POTEC: variants seen among roughly 807,000 people sequenced by gnomAD.
The protein encoded by POTEC is POTE ankyrin domain family member C.
A neutral mutation model predicts 62.0 loss-of-function variants in POTEC; 35 were observed. The ratio of observed to expected loss-of-function variants is 0.56; its 90% CI spans 0.43 to 0.75. The LOEUF (loss-of-function observed/expected upper bound fraction) is 0.75. POTEC is among the 30% of genes least tolerant of loss of function. The probability of loss-of-function intolerance (pLI) is 0.00; values close to 1 mark genes in which losing one functional copy is unlikely to be tolerated. For missense variants in POTEC, 472 were observed against 655.9 expected (o/e 0.72, Z 3.06); for synonymous variants, 156 against 221.5 (o/e 0.70, Z 2.62).
chr18:14,530,166 G>T (rs1475215752), intron 6 of POTEC, among the ~76,000 whole-genome samples: 2 of 151,702 alleles, frequency 1.3e-5, no homozygotes, highest in Non-Finnish European at 2.9e-5. Flanking sequence ...TAGGTTGTGT[G>T]CTTCATATGA....
At chr18:14,532,557 A>G (rs1905560951) in intron 5 of POTEC, among the ~76,000 whole-genome samples, 1 of 152,186 alleles carries the variant, frequency 6.6e-6, no homozygotes, top group Non-Finnish European at 1.5e-5. Flanking sequence ...AACAAAAACA[A>G]TGGAAACAAC....
rs1910014280 is a variant in POTEC at position 14,511,834 on chromosome 18, T to G, written c.*64A>C. On this transcript the variant is annotated 3_prime_UTR_variant, in exon 11 of 11. Coordinates refer to ENST00000358970, the MANE Select transcript of POTEC (RefSeq NM_001137671.2). Reference sequence around the variant, plus strand: ...CCTTAGAAGTTTATCAGTCTTTTCTTTCACACTTTCAATTTCCTCCAAAAT... The same window carrying G: ...CCTTAGAAGTTTATCAGTCTTTTCTGTCACACTTTCAATTTCCTCCAAAAT... 3 of 1,360,678 alleles carry G rather than the reference T, an allele frequency of 2.2e-6. No homozygotes were observed. The East Asian group carries it at 6.9e-5, about 31-fold the overall frequency. The allele number at this position is 1,360,678 out of a possible 1,614,324, so 84.3% of individuals were successfully genotyped here.
rs557206936 is a variant in POTEC at position 14,507,484 on chromosome 18, T to A, written c.*4414A>T. On this transcript the variant is annotated 3_prime_UTR_variant, in exon 11 of 11. Coordinates refer to ENST00000358970, the MANE Select transcript of POTEC (RefSeq NM_001137671.2). Reference sequence around the variant, plus strand: ...CCTATGTATGGCACTGCATGTGAGATGGGTTTCTTGAAGACGGCATACTCC... The same window carrying A: ...CCTATGTATGGCACTGCATGTGAGAAGGGTTTCTTGAAGACGGCATACTCC... The A allele has an allele frequency of 1.8e-4, 28 of 151,996 alleles. No homozygotes were observed. The highest frequency in any genetic ancestry group is 1.4e-3 in the Admixed American group (22 of 15,260). The allele number at this position is 151,996 out of a possible 1,614,324, so 9.4% of individuals were successfully genotyped here. A position where few individuals can be genotyped will look rare whatever the true frequency, so the allele number is the denominator to read the frequency against.
rs1910334555 is a variant in POTEC, at chr18:14,522,389, T to C, written c.1274A>G (p.Asn425Ser). 3 of 1,561,010 alleles carry C rather than the reference T, an allele frequency of 1.9e-6. No individual in the cohort carries two copies. In the East Asian group the frequency reaches 6.8e-5, roughly 35 times the overall value. Reference protein sequence around the residue: ...VEEEIKKHGSNPVGLPENLTN... With the variant: ...VEEEIKKHGSSPVGLPENLTN... The stretch of plus-strand genomic sequence containing the variant: ...CAGGTTTTCTGGTAATCCCACAGGA[T>C]TACTTCCATGCTTCTTTATTTCTTC... The change falls in exon 9 of 11, where the codon AAT (asparagine) becomes AGT (serine). Residue 425 changes from asparagine to serine, a missense_variant. Physicochemically the swap from Asn to Ser is conservative, Grantham distance 46. Coordinates refer to ENST00000358970, the MANE Select transcript of POTEC (RefSeq NM_001137671.2).
At chr18:14,542,570 G>A (rs9807187) in intron 1 of POTEC, 56 bp downstream of exon 1, 288,840 of 1,609,702 alleles carry the variant, frequency 0.18, 30,273 homozygotes, top group East Asian at 0.48. Context: ...GCGCCAGGAG[G>A]GTATGTCCCC....
rs80194414 is a variant in POTEC at position 14,507,953 on chromosome 18, C to G, written c.*3945G>C. ...GAGGTCTGCTAAGTCTGATGGAATT[C>G]CCTTTGCAGGTGATGTTGCCTTTCT... On this transcript the variant is annotated 3_prime_UTR_variant, in exon 11 of 11. Transcript: ENST00000358970. 1 of 152,262 alleles carries G rather than the reference C, an allele frequency of 6.6e-6. No homozygotes were observed. Among genetic ancestry groups the G allele is most frequent in the African/African-American group, 2.4e-5 (1 of 41,562 alleles). The allele number at this position is 152,262 out of a possible 1,614,324, so 9.4% of individuals were successfully genotyped here.
Position 14,543,407 on chromosome 18 carries a change from A to T in POTEC, c.-261T>A. ...GCCAAGCCCCCCCTCCCAAGGAAAC[A>T]CCCAGCCCAGTCAAGGGAATGCCAA... On this transcript the variant is annotated 5_prime_UTR_variant, in exon 1 of 11. Transcript: ENST00000358970. 1.6e-6 allele frequency: 1 copy of T among 613,674 alleles called. No individual in the cohort carries two copies. Among genetic ancestry groups the T allele is most frequent in the Non-Finnish European group, 2.9e-6 (1 of 348,698 alleles). 38.0% of individuals were successfully genotyped at this position (613,674 alleles called of 1,614,324 possible).
rs537011103 is a variant in POTEC, at chr18:14,536,761, G to A, written c.810+1040C>T. Among the ~76,000 whole-genome samples the A allele has an allele frequency of 1.2e-4, 19 of 152,254 alleles. No individual in the cohort carries two copies. The South Asian group carries it at 3.9e-3, about 32-fold the overall frequency. On this transcript the variant is annotated intron_variant, in intron 3 of 10. Transcript: ENST00000358970. ...AGGATCTGGCCAAAAAGAGGAAAGA[G>A]TAGGAGAGAGACTCATTTGCTGAAA...
intron 1 of POTEC, among the ~76,000 whole-genome samples, chr18:14,538,990 C>T (rs1248735969): frequency 6.6e-6 from 1 of 152,078 alleles, no homozygotes; most frequent in Non-Finnish European, 1.5e-5. Context: ...AGATGACTAG[C>T]ATTTAGATAA....
intron 9 of POTEC, among the ~76,000 whole-genome samples, chr18:14,520,884 A>G (rs751190879): frequency 1.7e-4 from 26 of 152,158 alleles, no homozygotes; most frequent in Non-Finnish European, 2.5e-4. Flanking sequence ...CTGAGGTGGC[A>G]GGATTACTAG....
intron 1 of POTEC, among the ~76,000 whole-genome samples, chr18:14,541,706 T>C (rs1488967790): frequency 6.6e-6 from 1 of 152,074 alleles, no homozygotes; most frequent in African/African-American, 2.4e-5. Flanking sequence ...TTTTCTCCTT[T>C]TGTATCTTTA....
chr18:14,533,513 T>G (rs1905599546), intron 4 of POTEC, among the ~76,000 whole-genome samples: 1 of 152,048 alleles, frequency 6.6e-6, no homozygotes, highest in Non-Finnish European at 1.5e-5. Flanking sequence ...AAGATTTAAG[T>G]GAAGATTTTG....
intron 7 of POTEC, among the ~76,000 whole-genome samples, chr18:14,524,032 A>G (rs1006234462): frequency 5.6e-4 from 85 of 152,314 alleles, no homozygotes; most frequent in African/African-American, 2.0e-3. Context: ...AACACCAAAC[A>G]GAAAGAAATG....
At chr18:14,542,274 TA>T (rs1454388584) in intron 1 of POTEC, among the ~76,000 whole-genome samples, 1 of 152,216 alleles carries the variant, frequency 6.6e-6, no homozygotes, top group Non-Finnish European at 1.5e-5. Flanking sequence ...GTTGATATAT[TA>T]TGGGGCTTAG....
intron 6 of POTEC, among the ~76,000 whole-genome samples, chr18:14,526,260 A>G (rs1910434581): frequency 6.6e-6 from 1 of 152,094 alleles, no homozygotes; most frequent in African/African-American, 2.4e-5. Context: ...ATCTTTCCCC[A>G]GATAAACAGG....
At chr18:14,540,901 A>AT (rs201462410) in intron 1 of POTEC, among the ~76,000 whole-genome samples, 2 of 149,016 alleles carry the variant, frequency 1.3e-5, no homozygotes, top group African/African-American at 5.1e-5. Context: ...TTATTTATTT[A>AT]TTTTTTTGAG....
intron 7 of POTEC, among the ~76,000 whole-genome samples, chr18:14,524,505 T>C (rs1910388054): frequency 6.6e-6 from 1 of 152,132 alleles, no homozygotes; most frequent in East Asian, 1.9e-4. Context: ...CAATAATTGA[T>C]GTTACTTTAT....
chr18:14,512,115 A>T (rs1193780866), intron 10 of POTEC, 122 bp from the exon 11 acceptor site: 28 of 786,868 alleles, frequency 3.6e-5, no homozygotes, highest in Non-Finnish European at 4.2e-5. Context: ...TGGATATTTA[A>T]CTGGAAAAAA....
At chr18:14,540,001 C>T (rs1329753321) in intron 1 of POTEC, among the ~76,000 whole-genome samples, 1 of 152,108 alleles carries the variant, frequency 6.6e-6, no homozygotes, top group Non-Finnish European at 1.5e-5. Context: ...TAAAAGAAAA[C>T]TCCTGTTGAG....
Sources: allele counts gnomAD v4.1 joint callset (sites outside exome capture counted in the v4.1 genomes callset), GRCh38; gene constraint gnomAD v4.1.1; transcripts MANE v1.5; gene names NCBI Gene and HGNC (gene_info 2026-07-23, HGNC 2026-07-21).